The following LRP1 variants were observed in gnomAD, a reference collection of about 807,000 sequenced individuals.
LRP1 encodes the protein LDL receptor related protein 1.
In LRP1, 51 loss-of-function variants were observed where a neutral mutation model predicts 541.5. That is an observed-to-expected ratio of 0.09 (90% CI 0.08 to 0.12). LRP1 has a LOEUF of 0.12. LRP1 is among the 10% of genes least tolerant of loss of function. The pLI, the probability that LRP1 is intolerant of heterozygous loss-of-function variation, is 1.00. For missense variants in LRP1, 3,878 were observed against 6,376.2 expected, an observed-to-expected ratio of 0.61 and a Z score of 13.34; for synonymous variants, 2,219 against 2,470.8, an observed-to-expected ratio of 0.90 and a Z score of 3.02.
Position 57,180,155 on chromosome 12 carries a change from T to G in LRP1, c.5236+14T>G. ...AGGGCCCCGTGGGTACGAGCTTCCC[T>G]GCCCACCCCCACAGCCCCTCCCTAA... On this transcript the variant is annotated intron_variant, in intron 31 of 88. Coordinates refer to ENST00000243077, the MANE Select transcript of LRP1 (RefSeq NM_002332.3). 1.9e-6 allele frequency: 3 copies of G among 1,611,666 alleles called. No individual in the cohort carries two copies. The highest frequency in any genetic ancestry group is 2.5e-6 in the Non-Finnish European group (3 of 1,178,210).
In LRP1 at chr12:57,184,132, C is replaced by T. The variant is rs141826184; in HGVS notation, c.5977C>T (p.Arg1993Trp). The T allele has an allele frequency of 3.1e-3, 5,063 of 1,614,114 alleles. 14 individuals are homozygous for T. The highest frequency in any genetic ancestry group is 4.0e-3 in the Non-Finnish European group (4,757 of 1,180,006). ...GGGCTTTGATGTCATCGAGGTCGCCCGGCTCAATGGCTCCTTCCGCTACGT... is the reference window on the plus strand; with the variant it reads ...GGGCTTTGATGTCATCGAGGTCGCCTGGCTCAATGGCTCCTTCCGCTACGT... Reference protein sequence around the residue: ...DQGFDVIEVARLNGSFRYVVI... With the variant: ...DQGFDVIEVAWLNGSFRYVVI... Residue 1993 changes from arginine (R) to tryptophan (W), a missense_variant, in exon 37 of 89, where the codon CGG becomes TGG. Coordinates refer to ENST00000243077, the MANE Select transcript of LRP1 (RefSeq NM_002332.3). This position sits in a 1 kb window ranked among gnomAD's most constrained non-coding sequence, Gnocchi z 7.8.
Position 57,211,022 on chromosome 12 carries a change from C to T in LRP1, c.12916+143C>T. 2 of 1,362,866 alleles carry T rather than the reference C, an allele frequency of 1.5e-6. No individual in the cohort carries two copies. Among genetic ancestry groups the T allele is most frequent in the Non-Finnish European group, 2.0e-6 (2 of 1,002,808 alleles). The allele number at this position is 1,362,866 out of a possible 1,614,324, so 84.4% of individuals were successfully genotyped here. A position where few individuals can be genotyped will look rare whatever the true frequency, so the allele number is the denominator to read the frequency against. ...CTTATGCAGCTGAGCCAGGCCCAAG[C>T]TGCTGGCGCTTCCCCACAAAGGTGC... On this transcript the variant is annotated intron_variant, in intron 83 of 88. Transcript: ENST00000243077. The surrounding 1 kb of genome is among the most constrained non-coding windows in gnomAD (Gnocchi z 4.3).
chr12:57,158,729 C>T lies in LRP1; in HGVS notation c.1798+91C>T. The T allele has an allele frequency of 1.7e-6, 2 of 1,173,002 alleles. No individual in the cohort carries two copies. The highest frequency in any genetic ancestry group is 2.5e-6 in the Non-Finnish European group (2 of 804,230). The allele number at this position is 1,173,002 out of a possible 1,614,324, so 72.7% of individuals were successfully genotyped here. On this transcript the variant is annotated intron_variant, in intron 11 of 88. Coordinates refer to ENST00000243077, the MANE Select transcript of LRP1 (RefSeq NM_002332.3). This position sits in a 1 kb window ranked among gnomAD's most constrained non-coding sequence, Gnocchi z 5.3. ...CGGTGCCCTCTCAGCAGGATGGTCC[C>T]CTGCTGACTGGCTGGCTGCACTGGT...
chr12:57,138,643 A>G, intron 2 of LRP1, 62 bp downstream of exon 2: 1 of 1,596,244 alleles, frequency 6.3e-7, no homozygotes, highest in Non-Finnish European at 8.6e-7. Context: ...CCTTTGGCAG[A>G]TGTTTGGGAG....
chr12:57,208,270 G>A (rs951284078), intron 77 of LRP1, 54 bp downstream of exon 77: 11 of 1,565,646 alleles, frequency 7.0e-6, no homozygotes, highest in Non-Finnish European at 9.6e-6. Context: ...AAGCCCCCGG[G>A]ACAGGGTTGG....
intron 1 of LRP1, among the ~76,000 whole-genome samples, chr12:57,136,080 G>T (rs1415049506): frequency 1.3e-5 from 2 of 152,234 alleles, no homozygotes; most frequent in Non-Finnish European, 2.9e-5. Context: ...GGCCACGGCT[G>T]GTCAGGGGAA....
chr12:57,200,578 C>G (rs1212639952), intron 63 of LRP1, 43 bp downstream of exon 63: 1 of 1,576,918 alleles, frequency 6.3e-7, no homozygotes, highest in Non-Finnish European at 8.7e-7. Flanking sequence ...CCAGCTGTGT[C>G]GGAGGCCTGA....
chr12:57,201,092 C>T lies in LRP1; in HGVS notation c.10284C>T (p.Pro3428=), dbSNP rs551393670. 7.1e-5 allele frequency: 115 copies of T among 1,614,066 alleles called. No individual in the cohort carries two copies. The highest frequency in any genetic ancestry group is 1.7e-4 in the Admixed American group (10 of 60,014). The part of the protein sequence containing the change: ...FKCTNTNRCI[P]GIFRCNGQDN... Reference sequence around the variant, plus strand: ...GCACCAACACCAACCGCTGTATTCCCGGCATCTTCCGCTGCAATGGGCAGG... The same window carrying T: ...GCACCAACACCAACCGCTGTATTCCTGGCATCTTCCGCTGCAATGGGCAGG... The change falls in exon 65 of 89, where the codon CCC becomes CCT. Residue 3428 remains proline (P), a synonymous_variant. Transcript: ENST00000243077. This position sits in a 1 kb window ranked among gnomAD's most constrained non-coding sequence, Gnocchi z 6.4.
rs1453105883 is a variant in LRP1, at chr12:57,194,687, G to A, written c.8179G>A (p.Glu2727Lys). 8 of 1,572,022 alleles carry A rather than the reference G, an allele frequency of 5.1e-6. No homozygotes were observed. The highest frequency in any genetic ancestry group is 4.1e-5 in the African/African-American group (3 of 74,062). The change falls in exon 50 of 89, where the codon GAG becomes AAG. Residue 2727 changes from glutamate to lysine, a missense_variant. Physicochemically the swap from Glu to Lys is moderately conservative, Grantham distance 56 (BLOSUM62 1). This residue lies in a region of LRP1 where 1,100 missense variants were observed against 1,827.4 expected (regional missense o/e 0.60). Coordinates refer to ENST00000243077, the MANE Select transcript of LRP1 (RefSeq NM_002332.3). The part of the protein sequence containing the change: ...KEDDCEHGED[E>K]THCNKFCSEA... Reference sequence around the variant, plus strand: ...GGATGACTGTGAACATGGCGAGGACGAGACCCACTGCAGTGAGTGACCACT... The same window carrying A: ...GGATGACTGTGAACATGGCGAGGACAAGACCCACTGCAGTGAGTGACCACT...
rs1555186587 is a variant in LRP1, at chr12:57,195,086, G to A, written c.8293G>A (p.Glu2765Lys). The A allele has an allele frequency of 6.2e-7, 1 of 1,613,630 alleles. No individual in the cohort carries two copies. The highest frequency in any genetic ancestry group is 8.5e-7 in the Non-Finnish European group (1 of 1,179,624). Residue 2765 changes from glutamate to lysine, a missense_variant, in exon 51 of 89, where the codon GAG (glutamate) becomes AAG (lysine). Physicochemically the swap from Glu to Lys is moderately conservative, Grantham distance 56 (BLOSUM62 1). Coordinates refer to ENST00000243077, the MANE Select transcript of LRP1 (RefSeq NM_002332.3). ...GSDDCGDGSDEAAHCEGKTCG... is the reference protein window; with the variant it reads ...GSDDCGDGSDKAAHCEGKTCG... The stretch of plus-strand genomic sequence containing the variant: ...CGATGACTGTGGGGATGGCTCAGAC[G>A]AGGCTGCTCACTGTGGTAAGGAAGC...
At chr12:57,160,087 G>A in intron 12 of LRP1, 82 bp downstream of exon 12, 2 of 1,380,298 alleles carry the variant, frequency 1.4e-6, no homozygotes, top group Non-Finnish European at 2.0e-6. Flanking sequence ...GGACAGGGAA[G>A]CAGGGGAAGG....
chr12:57,155,984 T>A, intron 8 of LRP1, 110 bp from the exon 9 acceptor site: 1 of 802,318 alleles, frequency 1.2e-6, no homozygotes, highest in Non-Finnish European at 2.1e-6. Flanking sequence ...AACTACAGGA[T>A]GAATTGGGGA....
intron 1 of LRP1, among the ~76,000 whole-genome samples, chr12:57,132,372 T>G (rs2035054891): frequency 6.6e-6 from 1 of 152,078 alleles, no homozygotes; most frequent in East Asian, 1.9e-4. Context: ...GCTGAAGAGC[T>G]CCATTTTCCT....
At chr12:57,141,098 G>A (rs1172799846) in intron 2 of LRP1, among the ~76,000 whole-genome samples, 1 of 152,148 alleles carries the variant, frequency 6.6e-6, no homozygotes, top group Admixed American at 6.5e-5. Context: ...CCTGTCTCCT[G>A]AGCATAGAAT....
In LRP1 at chr12:57,197,083, C is replaced by T. The variant is rs2036549987; in HGVS notation, c.8994C>T (p.Asn2998=). Residue 2998 remains asparagine, a synonymous_variant, in exon 56 of 89, where the codon AAC becomes AAT. Coordinates refer to ENST00000243077, the MANE Select transcript of LRP1 (RefSeq NM_002332.3). This position sits in a 1 kb window ranked among gnomAD's most constrained non-coding sequence, Gnocchi z 4.5. ...TTFPCSQRCI[N]THGSYKCLCV... is the part of the protein sequence containing the mutation. ...TCCCCTGCAGCCAGCGCTGCATCAA[C>T]ACTCATGGCAGCTATAAGTGTCTGT... 2 of 1,614,022 alleles carry T rather than the reference C, an allele frequency of 1.2e-6. No homozygotes were observed. The highest frequency in any genetic ancestry group is 2.7e-5 in the African/African-American group (2 of 74,942).
At position 57,180,085 on chromosome 12, in the gene LRP1, C is replaced by T. The variant is rs1460873945; in HGVS notation, c.5180C>T (p.Ala1727Val). Residue 1727 changes from alanine (A) to valine (V), a missense_variant, in exon 31 of 89, where the codon GCC becomes GTC. By Grantham distance (64) the Ala-to-Val change is moderately conservative (BLOSUM62 0). Around this residue, in one of 13 missense-constraint regions of LRP1, gnomAD observed 394 missense variants for 635.9 expected, o/e 0.62. Coordinates refer to ENST00000243077, the MANE Select transcript of LRP1 (RefSeq NM_002332.3). ...YWTDGDNISM[A>V]NMDGSNRTLL... The stretch of plus-strand genomic sequence containing the variant: ...ACCGATGGTGACAACATCAGCATGG[C>T]CAACATGGATGGCAGCAATCGCACC... The T allele has an allele frequency of 6.2e-7, 1 of 1,613,976 alleles. No individual in the cohort carries two copies. The highest frequency in any genetic ancestry group is 8.5e-7 in the Non-Finnish European group (1 of 1,180,022).
In LRP1 at chr12:57,202,450, C is replaced by G; in HGVS notation, c.10624C>G (p.Arg3542Gly). 1 of 1,613,602 alleles carries G rather than the reference C, an allele frequency of 6.2e-7. No individual in the cohort carries two copies. The highest frequency in any genetic ancestry group is 8.5e-7 in the Non-Finnish European group (1 of 1,179,970). Reference protein sequence around the residue: ...DERTCEPYQFRCKNNRCVPGR... With the variant: ...DERTCEPYQFGCKNNRCVPGR... ...ACGCACCTGTGAGCCATACCAGTTC[C>G]GCTGCAAGAACAACCGCTGCGTGCC... Residue 3542 changes from arginine (R) to glycine (G), a missense_variant, in exon 68 of 89, where the codon CGC becomes GGC. Physicochemically the swap from Arg to Gly is moderately radical, Grantham distance 125. Transcript: ENST00000243077.
rs761523540 is a variant in LRP1, at chr12:57,173,245, C to T, written c.3241C>T (p.Arg1081Cys). 2.5e-6 allele frequency: 4 copies of T among 1,613,790 alleles called. No individual in the cohort carries two copies. Among genetic ancestry groups the T allele is most frequent in the Non-Finnish European group, 2.5e-6 (3 of 1,179,994 alleles). The change falls in exon 21 of 89, where the codon CGC becomes TGC. Residue 1081 changes from arginine to cysteine, a missense_variant. Physicochemically the swap from Arg to Cys is radical, Grantham distance 180. Around this residue, in one of 13 missense-constraint regions of LRP1, gnomAD observed 320 missense variants for 547.9 expected, o/e 0.58. Transcript: ENST00000243077. The surrounding 1 kb of genome is among the most constrained non-coding windows in gnomAD (Gnocchi z 4.7). ...TGGACTATGCATCCCCCTGCGGTGG[C>T]GCTGCGATGGGGACACTGACTGCAT... ...LDGLCIPLRW[R>C]CDGDTDCMDS... is the part of the protein sequence containing the mutation.
At chr12:57,144,597 CTTTA>C (rs1469347218) in intron 4 of LRP1, 9 of 230,488 alleles carry the variant, frequency 3.9e-5, no homozygotes, top group Non-Finnish European at 7.0e-5. Context: ...CTAATGTATA[CTTTA>C]TTTACTTTGT....
Sources: gnomAD v4.1 joint callset for allele counts (sites outside exome capture counted in the v4.1 genomes callset) on GRCh38, gnomAD v4.1.1 for gene constraint, gnomAD v4.1.1 regional missense constraint, Gnocchi (gnomAD v3.1) non-coding constraint, MANE v1.5 for transcripts, NCBI Gene and HGNC (gene_info 2026-07-23, HGNC 2026-07-21) for gene names.